TAF2: variants seen among roughly 807,000 people sequenced by gnomAD.
TAF2 encodes the protein transcription initiation factor TFIID subunit 2.
A neutral mutation model predicts 138.5 loss-of-function variants in TAF2; 61 were observed. That is an observed-to-expected ratio of 0.44 (90% CI 0.36 to 0.54). The LOEUF (loss-of-function observed/expected upper bound fraction) is 0.54. Among genes scored for constraint, TAF2 ranks in the 20% least tolerant of loss-of-function variants. The probability of loss-of-function intolerance (pLI) is 0.00; values close to 1 mark genes in which losing one functional copy is unlikely to be tolerated. For missense variants in TAF2, 1,090 were observed against 1,427.9 expected, an observed-to-expected ratio of 0.76 and a Z score of 3.81; for synonymous variants, 475 against 469.9, an observed-to-expected ratio of 1.01 and a Z score of -0.14.
At chr8:119,777,898 T>C in intron 18 of TAF2, 121 bp downstream of exon 18, 1 of 606,796 alleles carries the variant, frequency 1.6e-6, no homozygotes, top group Non-Finnish European at 2.9e-6. Context: ...TCAAGTACGA[T>C]GATTTTTATA....
chr8:119,756,173 T>A, intron 21 of TAF2, 58 bp from the exon 22 acceptor site: 1 of 1,218,126 alleles, frequency 8.2e-7, no homozygotes, highest in Non-Finnish European at 1.2e-6. Flanking sequence ...ATGCTATGAG[T>A]AGGAGACAAC....
At chr8:119,747,090 T>C (rs1820030571) in intron 22 of TAF2, among the ~76,000 whole-genome samples, 156 bp from the exon 23 acceptor site, 1 of 152,202 alleles carries the variant, frequency 6.6e-6, no homozygotes, top group Non-Finnish European at 1.5e-5. Context: ...CAACCAAAAA[T>C]CTAACATTCC....
At position 119,795,428 on chromosome 8, in the gene TAF2, G is replaced by A. The variant is rs1465322552; in HGVS notation, c.1191+104C>T. ...CAGTAAATCAATTCCCATTTTGCTG[G>A]GAAAAATTAGGGATTTTCAAGCAGT... On this transcript the variant is annotated intron_variant, in intron 9 of 25. Coordinates refer to ENST00000378164, the MANE Select transcript of TAF2 (RefSeq NM_003184.4). 4.6e-5 allele frequency: 45 copies of A among 983,036 alleles called. No homozygotes were observed. The South Asian group carries it at 5.5e-4, about 12-fold the overall frequency. The allele number at this position is 983,036 out of a possible 1,614,324, so 60.9% of individuals were successfully genotyped here.
At chr8:119,790,712 A>G (rs1364868806) in intron 11 of TAF2, among the ~76,000 whole-genome samples, 1 of 152,186 alleles carries the variant, frequency 6.6e-6, no homozygotes, top group Non-Finnish European at 1.5e-5. Flanking sequence ...TTCTATTGAA[A>G]ACAGTTTAAA....
Position 119,760,738 on chromosome 8 carries a change from A to G in TAF2, c.2559T>C (p.Ser853=). The G allele has an allele frequency of 6.2e-7, 1 of 1,613,862 alleles. No homozygotes were observed. The highest frequency in any genetic ancestry group is 8.5e-7 in the Non-Finnish European group (1 of 1,179,884). The part of the protein sequence containing the change: ...LPSYRHTITV[S]CLRAIRVLQK... ...GAAGTACCCGTATGGCTCTCAAACAACTAGGGAAAAAAATACGTATGTTAA... is the reference window on the plus strand; with the variant it reads ...GAAGTACCCGTATGGCTCTCAAACAGCTAGGGAAAAAAATACGTATGTTAA... The change falls in exon 20 of 26, where the codon AGT becomes AGC. Residue 853 remains serine (S), a splice_region_variant and synonymous_variant. Transcript: ENST00000378164.
intron 25 of TAF2, among the ~76,000 whole-genome samples, chr8:119,739,424 C>T (rs1161894781): frequency 1.3e-5 from 2 of 152,090 alleles, no homozygotes; most frequent in Non-Finnish European, 2.9e-5. Context: ...CCCTTCTCAT[C>T]CCAATGGCTT....
At chr8:119,809,024 C>T (rs2136375) in intron 3 of TAF2, among the ~76,000 whole-genome samples, 91,168 of 152,124 alleles carry the variant, frequency 0.6, 27,597 homozygotes, top group Middle Eastern at 0.76. Context: ...AGAGTCAGCC[C>T]GTCCTTTGAA....
intron 9 of TAF2, among the ~76,000 whole-genome samples, chr8:119,795,147 T>C (rs1823733585): frequency 6.6e-6 from 1 of 152,168 alleles, no homozygotes; most frequent in South Asian, 2.1e-4. Flanking sequence ...ATTACTTGTA[T>C]AATGTCTAAT....
At chr8:119,823,661 A>C (rs1825924828) in intron 2 of TAF2, among the ~76,000 whole-genome samples, 1 of 152,130 alleles carries the variant, frequency 6.6e-6, no homozygotes, top group Non-Finnish European at 1.5e-5. Flanking sequence ...AATACAGTAA[A>C]CTGCTACCAA....
intron 18 of TAF2, among the ~76,000 whole-genome samples, chr8:119,766,800 C>A (rs1396507056): frequency 6.6e-6 from 1 of 152,090 alleles, no homozygotes; most frequent in African/African-American, 2.4e-5. Context: ...CACCGCTGTA[C>A]TCCAGCCTGG....
intron 6 of TAF2, 119 bp downstream of exon 6, chr8:119,801,675 A>C (rs1824274150): frequency 1.1e-6 from 1 of 914,886 alleles, no homozygotes; most frequent in South Asian, 1.4e-5. Flanking sequence ...TGATCCGCCC[A>C]CCTTGGCCTC....
chr8:119,832,171 T>TA lies in TAF2; in HGVS notation c.83+310dup, dbSNP rs772438078. ...GACTCCGTCTTAAAAATTAAAAAAT[T>TA]AAAAAAAAAAAAACACTCTACCAAT... On this transcript the variant is annotated intron_variant, in intron 1 of 25. Transcript: ENST00000378164. Among the ~76,000 whole-genome samples, 668 of 137,786 alleles carry TA rather than the reference T, an allele frequency of 4.8e-3. 4 individuals carry two copies. Among genetic ancestry groups the TA allele is most frequent in the Non-Finnish European group, 4.6e-3 (288 of 63,114 alleles). The allele number at this position is 137,786 out of a possible 152,430, so 90.4% of individuals were successfully genotyped here.
At chr8:119,830,196 C>A (rs1826359445) in intron 2 of TAF2, among the ~76,000 whole-genome samples, 1 of 152,024 alleles carries the variant, frequency 6.6e-6, no homozygotes, top group Non-Finnish European at 1.5e-5. Flanking sequence ...CCGTGCCTGG[C>A]CCTGAACCTC....
intron 20 of TAF2, 78 bp downstream of exon 20, chr8:119,760,521 A>G: frequency 6.5e-7 from 1 of 1,543,704 alleles, no homozygotes; most frequent in Non-Finnish European, 8.8e-7. Flanking sequence ...ACATATTACG[A>G]AAACCCCAAC....
Position 119,744,410 on chromosome 8 carries a change from T to C in TAF2, c.3109-17A>G, listed in dbSNP as rs1468710213. ...ACTGGAAAACTAAAACACACACACA[T>C]AAAACAGAGGATAAAAGAACCATTA... is the stretch of plus-strand genomic sequence containing the variant. On this transcript the variant is annotated splice_polypyrimidine_tract_variant and intron_variant, in intron 23 of 25. Coordinates refer to ENST00000378164, the MANE Select transcript of TAF2 (RefSeq NM_003184.4). The C allele has an allele frequency of 3.1e-6, 5 of 1,592,588 alleles. No homozygotes were observed. The South Asian group carries it at 4.4e-5, about 14-fold the overall frequency.
At chr8:119,796,964 G>T in intron 8 of TAF2, 26 bp downstream of exon 8, 1 of 1,460,874 alleles carries the variant, frequency 6.8e-7, no homozygotes, top group Non-Finnish European at 9.6e-7. Flanking sequence ...TCTCTTCTCA[G>T]TAGTATGAAC....
At chr8:119,827,766 A>G (rs1343907010) in intron 2 of TAF2, among the ~76,000 whole-genome samples, 4 of 148,872 alleles carry the variant, frequency 2.7e-5, no homozygotes, top group Non-Finnish European at 5.9e-5. Flanking sequence ...AGCAGGGGAC[A>G]GAGTTTTGCT....
At chr8:119,808,214 G>A (rs1385303303) in intron 3 of TAF2, among the ~76,000 whole-genome samples, 2 of 152,130 alleles carry the variant, frequency 1.3e-5, no homozygotes, top group African/African-American at 4.8e-5. Flanking sequence ...AAACATTGTT[G>A]ACAATGAACA....
intron 3 of TAF2, among the ~76,000 whole-genome samples, chr8:119,811,432 G>C (rs1221963824): frequency 6.6e-6 from 1 of 151,720 alleles, no homozygotes; most frequent in Non-Finnish European, 1.5e-5. Flanking sequence ...ACACGCCCTA[G>C]TAAACAGCTC....
Sources: gnomAD v4.1 joint callset for allele counts (sites outside exome capture counted in the v4.1 genomes callset) on GRCh38, gnomAD v4.1.1 for gene constraint, MANE v1.5 for transcripts, NCBI Gene and HGNC (gene_info 2026-07-23, HGNC 2026-07-21) for gene names.